TRMT11: variants seen among roughly 807,000 people sequenced by gnomAD.
The protein encoded by TRMT11 is tRNA methyltransferase 11.
Under a neutral mutation model 62.8 loss-of-function variants are expected in TRMT11, and 53 were observed. The ratio of observed to expected loss-of-function variants is 0.84; its 90% CI spans 0.68 to 1.06. The LOEUF (loss-of-function observed/expected upper bound fraction) is 1.06. Among genes scored for constraint, TRMT11 ranks in the 50% least tolerant of loss-of-function variants. The probability of loss-of-function intolerance (pLI) is 0.00; values close to 1 mark genes in which losing one functional copy is unlikely to be tolerated. For missense variants in TRMT11, 556 were observed against 553.4 expected (o/e 1.00, Z -0.05); for synonymous variants, 188 against 190.3 (o/e 0.99, Z 0.10).
intron 21 of TRMT11, among the ~76,000 whole-genome samples, chr6:126,139,400 G>T (rs1324217327): frequency 6.6e-6 from 1 of 151,832 alleles, no homozygotes; most frequent in Admixed American, 6.6e-5. Context: ...ACTGAGTCTT[G>T]CTCTATTGCC....
intron 3 of TRMT11, among the ~76,000 whole-genome samples, chr6:126,201,479 A>G (rs1295157211): frequency 6.6e-6 from 1 of 152,232 alleles, no homozygotes; most frequent in African/African-American, 2.4e-5. Flanking sequence ...ACTGGACAGC[A>G]TTTCCACAGA....
At chr6:126,267,276 T>C in the TRMT11 span, among the ~76,000 whole-genome samples, 8 of 152,218 alleles carry the variant, frequency 5.3e-5, no homozygotes, top group Admixed American at 5.2e-4. Context: ...ACATGTGATA[T>C]AATGATATAA....
chr6:126,101,422 A>G (rs1777399169), intron 17 of TRMT11, among the ~76,000 whole-genome samples: 1 of 152,224 alleles, frequency 6.6e-6, no homozygotes. Flanking sequence ...CAGAATCACA[A>G]CTACCCAATG....
chr6:126,207,273 G>A (rs116278062), downstream of TRMT11, among the ~76,000 whole-genome samples: 1 of 152,280 alleles, frequency 6.6e-6, no homozygotes, highest in African/African-American at 2.4e-5. Context: ...TTGTTTGGAG[G>A]TGAATATGAA....
chr6:126,200,655 C>G (rs576936335), intron 3 of TRMT11, among the ~76,000 whole-genome samples: 37 of 152,200 alleles, frequency 2.4e-4, no homozygotes, highest in African/African-American at 7.9e-4. Context: ...CTTGGGTTCA[C>G]GACATTCTCC....
chr6:125,990,344 C>A (rs1199824987), intron 1 of TRMT11, among the ~76,000 whole-genome samples: 1 of 152,132 alleles, frequency 6.6e-6, no homozygotes, highest in Non-Finnish European at 1.5e-5. Context: ...AGGTGTTAAG[C>A]CCTGTTTGTG....
chr6:126,011,293 T>G lies in TRMT11; in HGVS notation c.801T>G (p.Asp267Glu), dbSNP rs1794142488. ...AAAACCAGAAGTGGAGAGGACCAGA[T>G]GAAAACATTAGGGCCAATCTTCGTC... ...TRKNQKWRGPDENIRANLRQY... is the reference protein window; with the variant it reads ...TRKNQKWRGPEENIRANLRQY... Residue 267 changes from aspartate to glutamate, a missense_variant, in exon 9 of 13, where the codon GAT becomes GAG. Coordinates refer to ENST00000334379, the MANE Select transcript of TRMT11 (RefSeq NM_001031712.3). 6.2e-7 allele frequency: 1 copy of G among 1,613,228 alleles called. No individual in the cohort carries two copies. The highest frequency in any genetic ancestry group is 1.1e-5 in the South Asian group (1 of 91,028).
chr6:126,013,150 G>A (rs1434873098), intron 11 of TRMT11, 49 bp downstream of exon 11: 16 of 1,525,424 alleles, frequency 1.0e-5, no homozygotes, highest in Non-Finnish European at 1.4e-5. Flanking sequence ...TACAATGTTT[G>A]CGTATCTAGT....
intron 7 of TRMT11, among the ~76,000 whole-genome samples, chr6:126,002,431 T>A (rs1398396021): frequency 6.6e-6 from 1 of 152,126 alleles, no homozygotes; most frequent in Non-Finnish European, 1.5e-5. Flanking sequence ...ACTCTTTTCC[T>A]CATTCCTATA....
At chr6:126,012,448 T>C (rs1395435378) in intron 9 of TRMT11, among the ~76,000 whole-genome samples, 1 of 152,224 alleles carries the variant, frequency 6.6e-6, no homozygotes, top group Admixed American at 6.5e-5. Flanking sequence ...GACTCAGTAA[T>C]AGCTTTTATG....
chr6:125,998,329 G>A lies in TRMT11; in HGVS notation c.387+14G>A, dbSNP rs1286222689. On this transcript the variant is annotated intron_variant, in intron 5 of 12. Coordinates refer to ENST00000334379, the MANE Select transcript of TRMT11 (RefSeq NM_001031712.3). Reference sequence around the variant, plus strand: ...AAGCGAATAGATGTAAGTAAATTTAGCAAAACAAAAAACCTACATGATGAA... The same window carrying A: ...AAGCGAATAGATGTAAGTAAATTTAACAAAACAAAAAACCTACATGATGAA... 1 of 1,543,644 alleles carries A rather than the reference G, an allele frequency of 6.5e-7. No homozygotes were observed. The highest frequency in any genetic ancestry group is 1.8e-5 in the Admixed American group (1 of 56,422).
intron 11 of TRMT11, among the ~76,000 whole-genome samples, chr6:126,014,742 C>T (rs1427853680): frequency 6.6e-6 from 1 of 152,132 alleles, no homozygotes; most frequent in African/African-American, 2.4e-5. Context: ...CATTTGTACC[C>T]AGATCCCTTA....
intron 17 of TRMT11, among the ~76,000 whole-genome samples, chr6:126,109,311 C>G (rs1777500234): frequency 2.0e-5 from 3 of 152,136 alleles, no homozygotes; most frequent in South Asian, 4.1e-4. Flanking sequence ...TCTTTAGTCT[C>G]TTTTAGTCTG....
chr6:126,200,516 A>G (rs920571935), intron 3 of TRMT11, among the ~76,000 whole-genome samples: 1 of 152,162 alleles, frequency 6.6e-6, no homozygotes, highest in African/African-American at 2.4e-5. Context: ...ACTAGTCTTT[A>G]GTGTTTAAAT....
At chr6:126,186,324 ATTC>A (rs1778527467) in intron 1 of TRMT11, among the ~76,000 whole-genome samples, 1 of 152,054 alleles carries the variant, frequency 6.6e-6, no homozygotes, top group South Asian at 2.1e-4. Flanking sequence ...ATAAAGCAGT[ATTC>A]TTTTTTTTTA....
chr6:126,176,488 A>G (rs2128238883), upstream of TRMT11, among the ~76,000 whole-genome samples: 1 of 152,308 alleles, frequency 6.6e-6, no homozygotes, highest in South Asian at 2.1e-4. Context: ...CTTGTCTAGA[A>G]AAAGGACCTC....
chr6:126,205,898 TACAC>T (rs59880424), downstream of TRMT11, among the ~76,000 whole-genome samples: 39,649 of 142,576 alleles, frequency 0.28, 5,194 homozygotes, highest in South Asian at 0.3. Context: ...TGTGAGAGGG[TACAC>T]ACACACACAC....
At chr6:126,028,260 T>C (rs547458866) in intron 12 of TRMT11, among the ~76,000 whole-genome samples, 2 of 152,108 alleles carry the variant, frequency 1.3e-5, no homozygotes, top group African/African-American at 2.4e-5. Flanking sequence ...AAACAAAGGG[T>C]AAGATAGATA....
At chr6:126,211,925 C>T in the TRMT11 span, among the ~76,000 whole-genome samples, 1 of 152,022 alleles carries the variant, frequency 6.6e-6, no homozygotes, top group Non-Finnish European at 1.5e-5. Context: ...TTTACTCCTA[C>T]CCCCTACCCT....
Sources: allele counts gnomAD v4.1 joint callset (sites outside exome capture counted in the v4.1 genomes callset), GRCh38; gene constraint gnomAD v4.1.1; transcripts MANE v1.5; gene names NCBI Gene and HGNC (gene_info 2026-07-23, HGNC 2026-07-21).